LOXL2: variants seen among roughly 807,000 people sequenced by gnomAD.
The protein encoded by LOXL2 is lysyl oxidase like 2.
LOXL2 carries 70 observed loss-of-function variants against 93.0 expected under a neutral mutation model. The ratio of observed to expected loss-of-function variants is 0.75; its 90% CI spans 0.62 to 0.92. The LOEUF (loss-of-function observed/expected upper bound fraction) is 0.92, where lower values mean the gene tolerates loss of function less well. LOXL2 is among the 40% of genes least tolerant of loss of function. The pLI is 0.00. For missense variants in LOXL2, 973 were observed against 1,054.9 expected (o/e 0.92, Z 1.08); for synonymous variants, 438 against 413.2 (o/e 1.06, Z -0.73).
chr8:23,328,240 G>T, intron 6 of LOXL2, 142 bp downstream of exon 6: 2 of 812,926 alleles, frequency 2.5e-6, no homozygotes, highest in Non-Finnish European at 2.0e-6. Context: ...CTAGGGAGAG[G>T]CCTGGGATTC....
At chr8:23,305,177 C>T (rs940063137) in intron 10 of LOXL2, among the ~76,000 whole-genome samples, 1 of 152,164 alleles carries the variant, frequency 6.6e-6, no homozygotes, top group African/African-American at 2.4e-5. Context: ...CAGAGAGGGG[C>T]TTATGTGACC....
intron 1 of LOXL2, among the ~76,000 whole-genome samples, chr8:23,373,072 A>C (rs1804524428): frequency 6.6e-6 from 1 of 152,238 alleles, no homozygotes; most frequent in African/African-American, 2.4e-5. Flanking sequence ...GAACAAGTAG[A>C]AAATCCCCAA....
chr8:23,378,868 A>C (rs7836319), intron 1 of LOXL2, among the ~76,000 whole-genome samples: 1 of 151,904 alleles, frequency 6.6e-6, no homozygotes, highest in East Asian at 1.9e-4. Context: ...TTTTTAGCTT[A>C]TGTTGGGTTT....
Position 23,337,865 on chromosome 8 carries a change from CCT to C in LOXL2, c.743+3125_743+3126del, listed in dbSNP as rs538852612. 7.9e-5 allele frequency among the ~76,000 whole-genome samples: 12 copies of C among 152,262 alleles called. No homozygotes were observed. In the South Asian group the frequency reaches 2.5e-3, roughly 32 times the overall value. On this transcript the variant is annotated intron_variant, in intron 4 of 13. Coordinates refer to ENST00000389131, the MANE Select transcript of LOXL2 (RefSeq NM_002318.3). Reference sequence around the variant, plus strand: ...AGAGAGCAGGCCTTGGTGAGGAGCCCCTGACTCTACTTTTGGCAAGCCTGTGG... The same window carrying C: ...AGAGAGCAGGCCTTGGTGAGGAGCCCGACTCTACTTTTGGCAAGCCTGTGG...
In LOXL2 at chr8:23,382,029, T is replaced by C. The variant is rs1171437677; in HGVS notation, c.-83-13595A>G. On this transcript the variant is annotated intron_variant, in intron 1 of 13. Transcript: ENST00000389131. ...GGGACCAGGCAAACCACAGCCTTGCTGATGATGCTGGAGACAGCCACAGTG... is the reference window on the plus strand; with the variant it reads ...GGGACCAGGCAAACCACAGCCTTGCCGATGATGCTGGAGACAGCCACAGTG... Among the ~76,000 whole-genome samples, 4 of 152,342 alleles carry C rather than the reference T, an allele frequency of 2.6e-5. No homozygotes were observed. In the East Asian group the frequency reaches 7.7e-4, roughly 29 times the overall value.
At chr8:23,398,886 C>A (rs1476435127) in intron 1 of LOXL2, among the ~76,000 whole-genome samples, 1 of 152,080 alleles carries the variant, frequency 6.6e-6, no homozygotes, top group Non-Finnish European at 1.5e-5. Flanking sequence ...TAGAGACGTC[C>A]CTGACGCTGG....
chr8:23,348,812 G>A (rs1374826374), intron 3 of LOXL2, among the ~76,000 whole-genome samples: 2 of 152,044 alleles, frequency 1.3e-5, no homozygotes, highest in African/African-American at 4.8e-5. Context: ...GGGAGGCGGA[G>A]CTTGCAGTGA....
At chr8:23,348,048 C>T (rs1356832403) in intron 3 of LOXL2, among the ~76,000 whole-genome samples, 1 of 152,004 alleles carries the variant, frequency 6.6e-6, no homozygotes, top group Non-Finnish European at 1.5e-5. Context: ...AAAGGTGGCA[C>T]ATATACACCA....
At chr8:23,360,987 G>A (rs1487652561) in intron 2 of LOXL2, among the ~76,000 whole-genome samples, 3 of 151,548 alleles carry the variant, frequency 2.0e-5, no homozygotes, top group Non-Finnish European at 2.9e-5. Context: ...TTCAACCTCC[G>A]CCTCCCAGGT....
chr8:23,364,418 C>A (rs1804362485), intron 2 of LOXL2: 1 of 152,122 alleles, frequency 6.6e-6, no homozygotes, highest in African/African-American at 2.4e-5. Context: ...CAATGCCTCT[C>A]CTGATGAAAG....
intron 6 of LOXL2, among the ~76,000 whole-genome samples, chr8:23,327,941 G>C (rs913285085): frequency 6.6e-6 from 1 of 152,110 alleles, no homozygotes; most frequent in Non-Finnish European, 1.5e-5. Context: ...GTGTGTGCAG[G>C]GCTGCTCCAG....
rs754987914 is a variant in LOXL2 at position 23,302,049 on chromosome 8, G to T, written c.2111C>A (p.Pro704His). 3.1e-6 allele frequency: 5 copies of T among 1,614,110 alleles called. No individual in the cohort carries two copies. The highest frequency in any genetic ancestry group is 2.2e-5 in the East Asian group (1 of 44,870). Residue 704 changes from proline to histidine, a missense_variant, in exon 12 of 14, where the codon CCC becomes CAC. Pro to His is a moderately conservative substitution (Grantham distance 77). Transcript: ENST00000389131. ...CACCTGGAACAGGTAGTCTCCAGGG[G>T]GCACGTCAGTGATGTCAACCCACTG... is the stretch of plus-strand genomic sequence containing the variant. ...DCQWVDITDV[P>H]PGDYLFQVVI...
intron 1 of LOXL2, among the ~76,000 whole-genome samples, chr8:23,369,887 T>C (rs1804469533): frequency 2.0e-5 from 3 of 152,168 alleles, no homozygotes; most frequent in African/African-American, 7.2e-5. Flanking sequence ...AAAGCACATC[T>C]GCATCCTCAA....
chr8:23,377,246 A>G (rs1414299020), intron 1 of LOXL2, among the ~76,000 whole-genome samples: 2 of 152,034 alleles, frequency 1.3e-5, no homozygotes, highest in East Asian at 1.9e-4. Flanking sequence ...GTAGTTGAGC[A>G]GTTTTGAGTG....
At chr8:23,370,853 T>C (rs1380736240) in intron 1 of LOXL2, 2 of 152,146 alleles carry the variant, frequency 1.3e-5, no homozygotes, top group African/African-American at 4.8e-5. Flanking sequence ...CATAGGAAGG[T>C]CTGACATTCC....
intron 1 of LOXL2, among the ~76,000 whole-genome samples, chr8:23,376,693 T>A (rs1563206239): frequency 6.6e-6 from 1 of 152,186 alleles, no homozygotes; most frequent in Non-Finnish European, 1.5e-5. Flanking sequence ...CAGGAATTTA[T>A]CCATTTCTTC....
At chr8:23,328,306 C>T (rs1258023485) in intron 6 of LOXL2, 76 bp downstream of exon 6, 28 of 1,504,674 alleles carry the variant, frequency 1.9e-5, no homozygotes, top group East Asian at 4.5e-5. Flanking sequence ...CGAGAGCTCA[C>T]GGCCAGCAGC....
At chr8:23,352,940 C>A (rs1804118500) in intron 3 of LOXL2, among the ~76,000 whole-genome samples, 1 of 146,150 alleles carries the variant, frequency 6.8e-6, no homozygotes, top group Non-Finnish European at 1.5e-5. Flanking sequence ...CAATCAGTTC[C>A]GGCAATGGAA....
At chr8:23,309,404 G>A (rs986822305) in intron 10 of LOXL2, among the ~76,000 whole-genome samples, 2 of 152,304 alleles carry the variant, frequency 1.3e-5, no homozygotes, top group Middle Eastern at 3.4e-3. Flanking sequence ...GGGTATGGGC[G>A]CTCAAAACAA....
Sources: gnomAD v4.1 joint callset for allele counts (sites outside exome capture counted in the v4.1 genomes callset) on GRCh38, gnomAD v4.1.1 for gene constraint, MANE v1.5 for transcripts, NCBI Gene and HGNC (gene_info 2026-07-23, HGNC 2026-07-21) for gene names.